STAC: variants seen among roughly 807,000 people sequenced by gnomAD.
STAC encodes the protein SH3 and cysteine-rich domain-containing protein.
Under a neutral mutation model 48.8 loss-of-function variants are expected in STAC, and 43 were observed. That is an observed-to-expected ratio of 0.88 (90% CI 0.69 to 1.14). The LOEUF is 1.14. STAC is among the 50% of genes most tolerant of loss of function. The pLI is 0.00. For missense variants in STAC, 497 were observed against 504.0 expected, an observed-to-expected ratio of 0.99 and a Z score of 0.13; for synonymous variants, 193 against 179.5, an observed-to-expected ratio of 1.07 and a Z score of -0.60.
At chr3:36,405,144 A>T (rs1700066177) in intron 1 of STAC, among the ~76,000 whole-genome samples, 1 of 152,264 alleles carries the variant, frequency 6.6e-6, no homozygotes, top group African/African-American at 2.4e-5. Context: ...CTCAATGAAG[A>T]AGGAGGCTTG....
intron 1 of STAC, among the ~76,000 whole-genome samples, chr3:36,393,693 G>A (rs1699797836): frequency 6.7e-6 from 1 of 148,640 alleles, no homozygotes; most frequent in African/African-American, 2.5e-5. Context: ...TCTCCCTCAT[G>A]TGAGCGTGTA....
chr3:36,386,808 C>T (rs770364155), intron 1 of STAC, among the ~76,000 whole-genome samples: 8 of 152,198 alleles, frequency 5.3e-5, no homozygotes, highest in East Asian at 3.9e-4. Context: ...TATCTGGTAG[C>T]GTAAGCCCTG....
At chr3:36,494,462 G>A (rs962988450) in intron 6 of STAC, among the ~76,000 whole-genome samples, 5 of 152,116 alleles carry the variant, frequency 3.3e-5, no homozygotes, top group Non-Finnish European at 5.9e-5. Flanking sequence ...TTCCTCATTC[G>A]ATACCACATA....
chr3:36,463,273 T>C (rs989162123), intron 2 of STAC, among the ~76,000 whole-genome samples: 4 of 152,162 alleles, frequency 2.6e-5, no homozygotes, highest in Non-Finnish European at 5.9e-5. Flanking sequence ...ACAAGGTACC[T>C]TTTGGCAGGG....
intron 1 of STAC, among the ~76,000 whole-genome samples, chr3:36,434,691 T>A (rs1700787505): frequency 2.0e-5 from 3 of 152,312 alleles, no homozygotes; most frequent in African/African-American, 7.2e-5. Context: ...GGACTTTAGA[T>A]CCTGGCAGAA....
intron 2 of STAC, among the ~76,000 whole-genome samples, chr3:36,478,277 T>C (rs1397865906): frequency 6.6e-6 from 1 of 152,250 alleles, no homozygotes; most frequent in Non-Finnish European, 1.5e-5. Flanking sequence ...TTGTGATACA[T>C]GGCCAATTTA....
intron 1 of STAC, among the ~76,000 whole-genome samples, chr3:36,431,167 A>G (rs1348657411): frequency 6.6e-6 from 1 of 152,054 alleles, no homozygotes; most frequent in East Asian, 1.9e-4. Context: ...ATACTGTAAA[A>G]TCCTCACTGC....
intron 8 of STAC, among the ~76,000 whole-genome samples, chr3:36,520,308 T>G (rs1350676431): frequency 6.6e-6 from 1 of 152,174 alleles, no homozygotes; most frequent in Non-Finnish European, 1.5e-5. Flanking sequence ...CTTGGAAATC[T>G]GTATGGTTAA....
At position 36,485,970 on chromosome 3, in the gene STAC, C is replaced by A. The variant is rs1559509798; in HGVS notation, c.572-164C>A. Reference sequence around the variant, plus strand: ...AATGGGAGCATGCTGGGTGGGGGTGCATCTGTGAGGAACACTTGGCCATGA... The same window carrying A: ...AATGGGAGCATGCTGGGTGGGGGTGAATCTGTGAGGAACACTTGGCCATGA... On this transcript the variant is annotated intron_variant, in intron 4 of 10. Coordinates refer to ENST00000273183, the MANE Select transcript of STAC (RefSeq NM_003149.3). 14 of 599,950 alleles carry A rather than the reference C, an allele frequency of 2.3e-5. No individual in the cohort carries two copies. The East Asian group carries it at 3.9e-4, about 17-fold the overall frequency. The allele number at this position is 599,950 out of a possible 1,614,324, so 37.2% of individuals were successfully genotyped here. A position where few individuals can be genotyped will look rare whatever the true frequency, so the allele number is the denominator to read the frequency against.
rs1232301010 is a variant in STAC at position 36,546,310 on chromosome 3, T to G, written c.*21T>G. ...TCTGATTGCTGGCTCCTCCTCCGTT[T>G]GCAGTAGGCAAGCTCTGCTGCGATG... On this transcript the variant is annotated 3_prime_UTR_variant, in exon 11 of 11. Transcript: ENST00000273183. 3 of 1,605,134 alleles carry G rather than the reference T, an allele frequency of 1.9e-6. No individual in the cohort carries two copies. The highest frequency in any genetic ancestry group is 1.7e-4 in the Middle Eastern group (1 of 6,040).
chr3:36,399,492 G>A (rs996685178), intron 1 of STAC, among the ~76,000 whole-genome samples: 3 of 152,218 alleles, frequency 2.0e-5, no homozygotes, highest in Non-Finnish European at 4.4e-5. Flanking sequence ...ATAGCAGAAA[G>A]TGTGAACTAT....
chr3:36,449,621 C>T (rs1696624778), intron 2 of STAC, among the ~76,000 whole-genome samples: 2 of 152,116 alleles, frequency 1.3e-5, no homozygotes, highest in South Asian at 4.2e-4. Context: ...TGCCTGCTGC[C>T]AAGTACTGTG....
chr3:36,508,425 G>A (rs1259301464), intron 8 of STAC, among the ~76,000 whole-genome samples: 5 of 152,160 alleles, frequency 3.3e-5, no homozygotes. Flanking sequence ...TTCTGTAGAT[G>A]TCTATTAGGT....
intron 3 of STAC, among the ~76,000 whole-genome samples, chr3:36,483,776 A>G (rs1405869582): frequency 1.3e-5 from 2 of 152,126 alleles, no homozygotes; most frequent in Non-Finnish European, 2.9e-5. Flanking sequence ...ACATGGCATG[A>G]CCCTGTCTCT....
chr3:36,386,658 T>C (rs577971282), intron 1 of STAC, among the ~76,000 whole-genome samples: 1 of 152,192 alleles, frequency 6.6e-6, no homozygotes, highest in Non-Finnish European at 1.5e-5. Context: ...AAGATTCATT[T>C]TGACTATGCC....
chr3:36,484,184 T>G (rs1244081024), intron 3 of STAC, among the ~76,000 whole-genome samples: 1 of 152,180 alleles, frequency 6.6e-6, no homozygotes, highest in East Asian at 1.9e-4. Flanking sequence ...CAATAAAAGA[T>G]AATGTCTTGC....
At chr3:36,515,064 A>G (rs952924095) in intron 8 of STAC, among the ~76,000 whole-genome samples, 2 of 151,256 alleles carry the variant, frequency 1.3e-5, no homozygotes, top group Non-Finnish European at 2.9e-5. Context: ...TAATAATAAT[A>G]ATATAATGGA....
At chr3:36,413,528 T>A (rs1700244469) in intron 1 of STAC, among the ~76,000 whole-genome samples, 1 of 152,220 alleles carries the variant, frequency 6.6e-6, no homozygotes, top group Non-Finnish European at 1.5e-5. Flanking sequence ...ATTTGCTTGG[T>A]AGATCTTCCT....
intron 1 of STAC, among the ~76,000 whole-genome samples, chr3:36,407,883 A>C (rs1348723085): frequency 6.6e-6 from 1 of 152,246 alleles, no homozygotes; most frequent in East Asian, 1.9e-4. Context: ...TTGAGGTGTC[A>C]GGATTTCAAT....
Sources: allele counts gnomAD v4.1 joint callset (sites outside exome capture counted in the v4.1 genomes callset), GRCh38; gene constraint gnomAD v4.1.1; transcripts MANE v1.5; gene names NCBI Gene and HGNC (gene_info 2026-07-23, HGNC 2026-07-21).